HDAC8: variants seen among roughly 807,000 people sequenced by gnomAD.
HDAC8 encodes the protein histone deacetylase-like 1.
A neutral mutation model predicts 32.2 loss-of-function variants in HDAC8; 1 was observed. The ratio of observed to expected loss-of-function variants is 0.03; its 90% CI spans 0.01 to 0.15. The LOEUF is 0.15. HDAC8 is among the 10% of genes least tolerant of loss of function. The pLI, the probability that HDAC8 is intolerant of heterozygous loss-of-function variation, is 1.00. For synonymous variants in HDAC8, 108 were observed against 113.9 expected, an observed-to-expected ratio of 0.95 and a Z score of 0.33; for missense variants, 117 against 300.0, an observed-to-expected ratio of 0.39 and a Z score of 4.51.
At chrX:72,333,287 A>G (rs2043583375) in intron 10 of HDAC8, among the ~76,000 whole-genome samples, 1 of 111,567 alleles carries the variant, frequency 9.0e-6, no homozygotes, top group African/African-American at 3.3e-5. Context: ...CTTTAGTCAC[A>G]TCTCTTGTTA....
chrX:72,504,685 T>C (rs1439304596), intron 4 of HDAC8, among the ~76,000 whole-genome samples: 1 of 112,233 alleles, frequency 8.9e-6, no homozygotes, highest in African/African-American at 3.2e-5. Context: ...GTTTGAGTAC[T>C]TGTTTGCAAT....
chrX:72,559,360 A>G (rs782206630), intron 4 of HDAC8, among the ~76,000 whole-genome samples: 2 of 109,720 alleles, frequency 1.8e-5, no homozygotes, highest in Non-Finnish European at 1.9e-5. Context: ...ATGGAGTCTC[A>G]CTCACTCAGT....
At chrX:72,475,029 G>A (rs2048292920) in intron 7 of HDAC8, among the ~76,000 whole-genome samples, 1 of 111,342 alleles carries the variant, frequency 9.0e-6, no homozygotes, top group Non-Finnish European at 1.9e-5. Context: ...TGGTGGTGGG[G>A]TCTGGTAACC....
intron 7 of HDAC8, among the ~76,000 whole-genome samples, chrX:72,478,927 G>C (rs2048419539): frequency 9.0e-6 from 1 of 111,032 alleles, no homozygotes; most frequent in Non-Finnish European, 1.9e-5. Context: ...AAAATGCTGG[G>C]ATTACCGGTG....
At chrX:72,399,564 G>A (rs1192621568) in intron 9 of HDAC8, among the ~76,000 whole-genome samples, 2 of 111,573 alleles carry the variant, frequency 1.8e-5, no homozygotes, top group African/African-American at 6.5e-5. Context: ...ACTATATATT[G>A]ATTGCAAAGG....
chrX:72,355,792 A>G (rs2044330658), intron 9 of HDAC8, among the ~76,000 whole-genome samples: 2 of 111,694 alleles, frequency 1.8e-5, no homozygotes, highest in Admixed American at 9.5e-5. Flanking sequence ...TTCCTCCATA[A>G]TCATGTTTGA....
intron 4 of HDAC8, among the ~76,000 whole-genome samples, chrX:72,556,881 A>C (rs1414836170): frequency 4.5e-5 from 5 of 112,234 alleles, no homozygotes; most frequent in Non-Finnish European, 9.4e-5. Flanking sequence ...AATGGACTTA[A>C]ACTATACTCT....
chrX:72,384,708 G>A (rs1000923270), intron 9 of HDAC8, among the ~76,000 whole-genome samples: 4 of 112,363 alleles, frequency 3.6e-5, no homozygotes, highest in African/African-American at 1.3e-4. Flanking sequence ...AGTAATATAT[G>A]TATTTAGTTA....
At chrX:72,533,704 T>A (rs1435765739) in intron 4 of HDAC8, among the ~76,000 whole-genome samples, 1 of 111,934 alleles carries the variant, frequency 8.9e-6, no homozygotes, top group East Asian at 2.8e-4. Flanking sequence ...GAATGCAGGT[T>A]TGGTTTAACA....
intron 2 of HDAC8, 110 bp downstream of exon 2, chrX:72,571,947 G>A (rs183204695): frequency 2.8e-4 from 173 of 612,766 alleles, no homozygotes; most frequent in Non-Finnish European, 4.0e-4. Flanking sequence ...TTCACAGAAA[G>A]CTAAAATAAT....
chrX:72,527,402 T>G (rs1322877280), intron 4 of HDAC8, among the ~76,000 whole-genome samples: 9 of 111,630 alleles, frequency 8.1e-5, no homozygotes, highest in Non-Finnish European at 1.7e-4. Context: ...TTGATATGCT[T>G]TCCTAGTACT....
At chrX:72,363,473 C>T (rs781940955) in intron 9 of HDAC8, among the ~76,000 whole-genome samples, 1 of 111,554 alleles carries the variant, frequency 9.0e-6, no homozygotes, top group South Asian at 3.8e-4. Flanking sequence ...CTCTCTATCC[C>T]TTCACTTCTG....
intron 9 of HDAC8, among the ~76,000 whole-genome samples, chrX:72,446,282 A>T (rs190340891): frequency 3.0e-4 from 34 of 112,361 alleles, no homozygotes; most frequent in African/African-American, 1.1e-3. Context: ...CTTGGAACCA[A>T]CCCAAATGTT....
chrX:72,335,385 C>G (rs1602504950), intron 10 of HDAC8, among the ~76,000 whole-genome samples: 1 of 112,111 alleles, frequency 8.9e-6, no homozygotes, highest in East Asian at 2.8e-4. Context: ...CAACCATCAT[C>G]TTTTTACAGT....
chrX:72,451,169 T>C (rs782139203), intron 9 of HDAC8, among the ~76,000 whole-genome samples: 4 of 110,919 alleles, frequency 3.6e-5, no homozygotes, highest in Non-Finnish European at 7.6e-5. Flanking sequence ...CACTGAGGCA[T>C]ATTACAGTCG....
Position 72,530,444 on chromosome X carries a change from GT to G in HDAC8, c.438-35177del, listed in dbSNP as rs1232261962. Among the ~76,000 whole-genome samples, 545 of 80,097 alleles carry G rather than the reference GT, an allele frequency of 6.8e-3. 1 individual carries two copies. The highest frequency in any genetic ancestry group is 8.0e-3 in the Non-Finnish European group (317 of 39,680). The allele number at this position is 80,097 out of a possible 115,157, so 69.6% of individuals were successfully genotyped here. On this transcript the variant is annotated intron_variant, in intron 4 of 10. Coordinates refer to ENST00000373573, the MANE Select transcript of HDAC8 (RefSeq NM_018486.3). The stretch of plus-strand genomic sequence containing the variant: ...TGAATACTCATATGCTATTTTATGC[GT>G]TTTTTTTTTTTTTTTTGGTTACAGC...
intron 9 of HDAC8, among the ~76,000 whole-genome samples, chrX:72,354,302 T>A (rs782580650): frequency 1.8e-5 from 2 of 112,350 alleles, no homozygotes; most frequent in South Asian, 7.5e-4. Context: ...TTATTTGCAC[T>A]GTTCTTAGGT....
chrX:72,438,690 GA>G lies in HDAC8; in HGVS notation c.1005+23313del, dbSNP rs782373217. On this transcript the variant is annotated intron_variant, in intron 9 of 10. Transcript: ENST00000373573. ...ATACACAAGTATCAATAGCTGAACG[GA>G]TCAAGTGGAAGACAGGATATCAGAG... 9.9e-5 allele frequency among the ~76,000 whole-genome samples: 11 copies of G among 110,841 alleles called. No individual in the cohort carries two copies. The South Asian group carries it at 4.2e-3, about 43-fold the overall frequency.
intron 9 of HDAC8, among the ~76,000 whole-genome samples, chrX:72,422,078 A>C (rs1315182975): frequency 1.8e-5 from 2 of 111,591 alleles, no homozygotes; most frequent in Non-Finnish European, 3.8e-5. Context: ...TGCTGCTTTC[A>C]AGATTCTCTC....
Sources: gnomAD v4.1 joint callset for allele counts (sites outside exome capture counted in the v4.1 genomes callset) on GRCh38, gnomAD v4.1.1 for gene constraint, MANE v1.5 for transcripts, NCBI Gene and HGNC (gene_info 2026-07-23, HGNC 2026-07-21) for gene names.